Variants in TCF12 observed in about 807,000 individuals in gnomAD.
TCF12 encodes the protein DNA-binding protein HTF4.
Under a neutral mutation model 86.0 loss-of-function variants are expected in TCF12, and 45 were observed. The ratio of observed to expected loss-of-function variants is 0.52; its 90% confidence interval spans 0.41 to 0.67. TCF12 has a LOEUF of 0.67. Ranked by LOEUF, TCF12 falls within the 30% of genes least tolerant of loss-of-function variation. TCF12 has a pLI of 0.00. For missense variants in TCF12, 881 were observed against 859.9 expected (o/e 1.02, Z -0.31); for synonymous variants, 330 against 299.6 (o/e 1.10, Z -1.05).
intron 1 of TCF12, 131 bp from the exon 2 acceptor site, chr15:56,919,761 C>A: frequency 1.4e-6 from 1 of 704,224 alleles, no homozygotes; most frequent in Middle Eastern, 4.3e-4. Context: ...GCGGTGGGAG[C>A]GAGTCGGGGT....
At chr15:57,057,347 G>T (rs1019723055) in intron 3 of TCF12, among the ~76,000 whole-genome samples, 1 of 152,202 alleles carries the variant, frequency 6.6e-6, no homozygotes, top group Non-Finnish European at 1.5e-5. Flanking sequence ...TGGGGTTTCT[G>T]TTGGAATTTT....
chr15:57,207,535 G>A (rs1177814729), intron 8 of TCF12, among the ~76,000 whole-genome samples: 1 of 152,046 alleles, frequency 6.6e-6, no homozygotes, highest in African/African-American at 2.4e-5. Context: ...GCCAGGCATG[G>A]TGGGGCATGC....
intron 3 of TCF12, among the ~76,000 whole-genome samples, chr15:56,927,935 A>G (rs1358205470): frequency 6.6e-6 from 1 of 152,158 alleles, no homozygotes; most frequent in Non-Finnish European, 1.5e-5. Flanking sequence ...CTTGTATACA[A>G]ATGTGTTGTG....
At chr15:56,930,312 T>C (rs2060191506) in intron 3 of TCF12, among the ~76,000 whole-genome samples, 1 of 152,252 alleles carries the variant, frequency 6.6e-6, no homozygotes, top group Admixed American at 6.5e-5. Context: ...AGGCTCACTT[T>C]AAACAGTAGC....
At chr15:57,261,223 T>A (rs1470234438) in intron 16 of TCF12, among the ~76,000 whole-genome samples, 2 of 152,170 alleles carry the variant, frequency 1.3e-5, no homozygotes, top group Non-Finnish European at 2.9e-5. Context: ...GCTATGTTTC[T>A]TAAAAATAAA....
chr15:57,039,891 A>G (rs939918174), intron 3 of TCF12, among the ~76,000 whole-genome samples: 1 of 152,154 alleles, frequency 6.6e-6, no homozygotes, highest in East Asian at 1.9e-4. Context: ...AGAAGTCATG[A>G]TTGCCTGTCA....
At chr15:57,140,959 G>T (rs1427852965) in intron 5 of TCF12, among the ~76,000 whole-genome samples, 2 of 151,872 alleles carry the variant, frequency 1.3e-5, no homozygotes, top group African/African-American at 4.8e-5. Flanking sequence ...AATGTAATAC[G>T]TTCTCTCAAG....
rs1332212679 is a variant in TCF12 at position 57,286,692 on chromosome 15, A to T, written c.*547A>T. On this transcript the variant is annotated 3_prime_UTR_variant, in exon 21 of 21. Transcript: ENST00000333725. ...CTATTAGTGTCTTAAAAAGGAAGGGAAAAGTCTTTTGTTGCCCTCTCCTAT... is the reference window on the plus strand; with the variant it reads ...CTATTAGTGTCTTAAAAAGGAAGGGTAAAGTCTTTTGTTGCCCTCTCCTAT... 1.1e-5 allele frequency: 5 copies of T among 456,312 alleles called. No individual in the cohort carries two copies. Among genetic ancestry groups the T allele is most frequent in the South Asian group, 6.2e-5 (4 of 64,438 alleles). 28.3% of individuals were successfully genotyped at this position (456,312 alleles called of 1,614,324 possible). A position where few individuals can be genotyped will look rare whatever the true frequency, so the allele number is the denominator to read the frequency against.
chr15:57,273,413 C>T, intron 19 of TCF12, 151 bp downstream of exon 19: 1 of 731,724 alleles, frequency 1.4e-6, no homozygotes, highest in Non-Finnish European at 2.2e-6. Flanking sequence ...CTGTAATTCT[C>T]ACTTCTGTCT....
At chr15:57,002,736 G>C (rs1201504884) in intron 3 of TCF12, among the ~76,000 whole-genome samples, 3 of 152,182 alleles carry the variant, frequency 2.0e-5, no homozygotes, top group Non-Finnish European at 2.9e-5. Context: ...TTCATTCTCT[G>C]TCTCTATAAG....
intron 5 of TCF12, among the ~76,000 whole-genome samples, chr15:57,163,816 G>A (rs2054665705): frequency 6.6e-6 from 1 of 152,176 alleles, no homozygotes; most frequent in African/African-American, 2.4e-5. Flanking sequence ...TAATCAAAAT[G>A]GATCAGAAAT....
At chr15:57,264,708 C>G (rs1194920449) in intron 18 of TCF12, among the ~76,000 whole-genome samples, 1 of 152,054 alleles carries the variant, frequency 6.6e-6, no homozygotes, top group East Asian at 1.9e-4. Context: ...AGCTGTCTCT[C>G]CTAAGGTAAC....
intron 5 of TCF12, among the ~76,000 whole-genome samples, chr15:57,111,467 C>G (rs1030847765): frequency 2.6e-5 from 4 of 151,966 alleles, no homozygotes; most frequent in African/African-American, 7.3e-5. Context: ...ATCAGTAGGC[C>G]TTGCAACCCA....
chr15:56,961,088 C>T (rs114496680), intron 3 of TCF12, among the ~76,000 whole-genome samples: 2,034 of 145,988 alleles, frequency 0.014, 52 homozygotes, highest in African/African-American at 0.045. Context: ...TGCAGTAGGC[C>T]GAGATCCCAC....
intron 5 of TCF12, among the ~76,000 whole-genome samples, chr15:57,127,125 C>A (rs917124877): frequency 6.6e-6 from 1 of 151,402 alleles, no homozygotes; most frequent in Non-Finnish European, 1.5e-5. Context: ...TGGGATTACA[C>A]GCACCCACCA....
At position 57,287,736 on chromosome 15, in the gene TCF12, C is replaced by G. The variant is rs1322554367; in HGVS notation, c.*1591C>G. 6.6e-6 allele frequency: 1 copy of G among 152,640 alleles called. No individual in the cohort carries two copies. The highest frequency in any genetic ancestry group is 1.5e-5 in the Non-Finnish European group (1 of 68,034). 9.5% of individuals were successfully genotyped at this position (152,640 alleles called of 1,614,324 possible). On this transcript the variant is annotated 3_prime_UTR_variant, in exon 21 of 21. Transcript: ENST00000333725. ...TTAATTTGAAAGAACAAAAACAAGA[C>G]AGAACTTCTGGTACTCTAATCAGGA...
intron 3 of TCF12, among the ~76,000 whole-genome samples, chr15:57,059,742 G>A (rs1336529478): frequency 6.7e-6 from 1 of 149,250 alleles, no homozygotes; most frequent in African/African-American, 2.5e-5. Flanking sequence ...GTGGGGGGCT[G>A]GGGGGAGGGT....
intron 8 of TCF12, among the ~76,000 whole-genome samples, chr15:57,212,304 G>C (rs2593220): frequency 0.066 from 10,026 of 151,996 alleles, 925 homozygotes; most frequent in African/African-American, 0.21. Flanking sequence ...TGTTTTTCTA[G>C]AGACGGTCTC....
rs1567370603 is a variant in TCF12, at chr15:57,075,804, T to TCTCTCTCTCTC, written c.222+11981_222+11982insCTCTCTCTCTC. 4.1e-3 allele frequency among the ~76,000 whole-genome samples: 118 copies of TCTCTCTCTCTC among 28,590 alleles called. 1 individual carries two copies. The highest frequency in any genetic ancestry group is 5.9e-3 in the Non-Finnish European group (92 of 15,558). The allele number at this position is 28,590 out of a possible 152,430, so 18.8% of individuals were successfully genotyped here. A position where few individuals can be genotyped will look rare whatever the true frequency, so the allele number is the denominator to read the frequency against. ...TTTCTTTCTTTCTTTCTTTCTTTCTTTCTCTCTCTCTCTCTCTCTCTCTCT... is the reference window on the plus strand; with the variant it reads ...TTTCTTTCTTTCTTTCTTTCTTTCTTCTCTCTCTCTCTCTCTCTCTCTCTCTCTCTCTCTCT... On this transcript the variant is annotated intron_variant, in intron 4 of 20. Coordinates refer to ENST00000333725, the MANE Select transcript of TCF12 (RefSeq NM_207037.2).
Sources: allele counts gnomAD v4.1 joint callset (sites outside exome capture counted in the v4.1 genomes callset), GRCh38; gene constraint gnomAD v4.1.1; transcripts MANE v1.5; gene names NCBI Gene and HGNC (gene_info 2026-07-23, HGNC 2026-07-21).